TSPAN5: variants seen among roughly 807,000 people sequenced by gnomAD.
The protein encoded by TSPAN5 is tetraspanin-5.
A neutral mutation model predicts 37.1 loss-of-function variants in TSPAN5; 10 were observed. The observed-to-expected ratio is 0.27, with a 90% confidence interval of 0.17 to 0.46. The LOEUF (loss-of-function observed/expected upper bound fraction) is 0.46. Among genes scored for constraint, TSPAN5 ranks in the 20% least tolerant of loss-of-function variants. The pLI, the probability that TSPAN5 is intolerant of heterozygous loss-of-function variation, is 1.00. For synonymous variants in TSPAN5, 110 were observed against 118.9 expected, an observed-to-expected ratio of 0.93 and a Z score of 0.48; for missense variants, 195 against 326.6, an observed-to-expected ratio of 0.60 and a Z score of 3.11.
At chr4:98,658,125 C>T (rs770767382) in intron 1 of TSPAN5, 21 bp downstream of exon 1, 1 of 1,600,054 alleles carries the variant, frequency 6.2e-7, no homozygotes, top group South Asian at 1.1e-5. Context: ...TAGTTGGAAT[C>T]CCAGGAGCGC....
At chr4:98,528,885 G>A (rs1754019891) in intron 1 of TSPAN5, among the ~76,000 whole-genome samples, 1 of 152,160 alleles carries the variant, frequency 6.6e-6, no homozygotes, top group South Asian at 2.1e-4. Context: ...ATTTTAGTAT[G>A]ACCATACTGC....
chr4:98,635,355 C>T (rs557072549), intron 1 of TSPAN5, among the ~76,000 whole-genome samples: 3 of 152,246 alleles, frequency 2.0e-5, no homozygotes, highest in Non-Finnish European at 4.4e-5. Flanking sequence ...TGGTGACAAG[C>T]CTGGGCCTGA....
In TSPAN5 at chr4:98,472,475, C is replaced by T. The variant is rs773159948; in HGVS notation, c.*47G>A. Reference sequence around the variant, plus strand: ...ATCAGTTCGGCACGCGGGAGGGTCCCGAAAGCTGGGTCTGTCCAGTGTCTT... The same window carrying T: ...ATCAGTTCGGCACGCGGGAGGGTCCTGAAAGCTGGGTCTGTCCAGTGTCTT... On this transcript the variant is annotated 3_prime_UTR_variant, in exon 8 of 8. Coordinates refer to ENST00000305798, the MANE Select transcript of TSPAN5 (RefSeq NM_005723.4). The T allele has an allele frequency of 9.4e-6, 15 of 1,591,816 alleles. No homozygotes were observed. The highest frequency in any genetic ancestry group is 3.4e-5 in the Admixed American group (2 of 59,334).
At chr4:98,598,835 G>A (rs1755818453) in intron 1 of TSPAN5, among the ~76,000 whole-genome samples, 1 of 152,142 alleles carries the variant, frequency 6.6e-6, no homozygotes, top group Admixed American at 6.5e-5. Context: ...TACGTTCAAA[G>A]GCAGGAATAA....
chr4:98,654,471 C>T (rs1757256963), intron 1 of TSPAN5, among the ~76,000 whole-genome samples: 3 of 152,114 alleles, frequency 2.0e-5, no homozygotes, highest in Admixed American at 2.0e-4. Flanking sequence ...CTTTCTTCTC[C>T]CTCCCCCAAA....
chr4:98,487,613 A>C lies in TSPAN5; in HGVS notation c.133-729T>G, dbSNP rs1753000964. Among the ~76,000 whole-genome samples, 6 of 152,026 alleles carry C rather than the reference A, an allele frequency of 3.9e-5. 1 individual carries two copies. The South Asian group carries it at 1.2e-3, about 32-fold the overall frequency. On this transcript the variant is annotated intron_variant, in intron 2 of 7. Coordinates refer to ENST00000305798, the MANE Select transcript of TSPAN5 (RefSeq NM_005723.4). ...ACCTCAGGATCTACTCTTGAGCTCCATGGGAGACCTTTATTAGGCTGAGAT... is the reference window on the plus strand; with the variant it reads ...ACCTCAGGATCTACTCTTGAGCTCCCTGGGAGACCTTTATTAGGCTGAGAT...
At chr4:98,521,477 A>T (rs1171585412) in intron 1 of TSPAN5, among the ~76,000 whole-genome samples, 1 of 152,124 alleles carries the variant, frequency 6.6e-6, no homozygotes, top group Non-Finnish European at 1.5e-5. Flanking sequence ...AAAAATATTG[A>T]TCCTCTGGTT....
intron 1 of TSPAN5, among the ~76,000 whole-genome samples, chr4:98,550,773 T>A (rs2110154473): frequency 6.6e-6 from 1 of 152,276 alleles, no homozygotes; most frequent in African/African-American, 2.4e-5. Flanking sequence ...CTAAGAGTTT[T>A]TTGGTGGAGT....
At chr4:98,516,638 C>T (rs1753736961) in intron 1 of TSPAN5, among the ~76,000 whole-genome samples, 1 of 152,262 alleles carries the variant, frequency 6.6e-6, no homozygotes, top group East Asian at 1.9e-4. Flanking sequence ...AATTTGATCC[C>T]CAATGTGGTG....
intron 1 of TSPAN5, among the ~76,000 whole-genome samples, chr4:98,581,467 C>T (rs1024571298): frequency 3.3e-5 from 5 of 152,126 alleles, no homozygotes; most frequent in Non-Finnish European, 5.9e-5. Context: ...TCTAAACGCC[C>T]CTGTCTTCTA....
chr4:98,502,762 A>G (rs930222945), intron 2 of TSPAN5, among the ~76,000 whole-genome samples: 1 of 152,142 alleles, frequency 6.6e-6, no homozygotes, highest in Non-Finnish European at 1.5e-5. Context: ...GGCACACATA[A>G]GTGAATGAGT....
intron 2 of TSPAN5, among the ~76,000 whole-genome samples, chr4:98,495,194 A>G (rs528789888): frequency 4.0e-4 from 61 of 152,264 alleles, no homozygotes; most frequent in African/African-American, 1.4e-3. Flanking sequence ...CTGGCTGTTC[A>G]GTGGTTTGAT....
intron 1 of TSPAN5, among the ~76,000 whole-genome samples, chr4:98,610,328 G>C (rs1756151518): frequency 6.6e-6 from 1 of 152,112 alleles, no homozygotes; most frequent in Non-Finnish European, 1.5e-5. Flanking sequence ...CCTCCCATTA[G>C]GCTCCACCTC....
At chr4:98,645,871 C>A (rs1757056974) in intron 1 of TSPAN5, among the ~76,000 whole-genome samples, 1 of 152,166 alleles carries the variant, frequency 6.6e-6, no homozygotes, top group Admixed American at 6.5e-5. Flanking sequence ...ATATATCATT[C>A]TTTTTTACTA....
intron 1 of TSPAN5, among the ~76,000 whole-genome samples, chr4:98,508,209 A>C (rs1337997944): frequency 6.6e-6 from 1 of 152,176 alleles, no homozygotes; most frequent in Non-Finnish European, 1.5e-5. Context: ...ATGCCTTCCA[A>C]AGGTAACAAG....
intron 1 of TSPAN5, among the ~76,000 whole-genome samples, chr4:98,579,576 A>G (rs1296117970): frequency 6.6e-6 from 1 of 152,198 alleles, no homozygotes; most frequent in African/African-American, 2.4e-5. Context: ...TTGAAATAAC[A>G]TTGTTATTAT....
chr4:98,577,104 G>A (rs1048849808), intron 1 of TSPAN5, among the ~76,000 whole-genome samples: 1 of 152,070 alleles, frequency 6.6e-6, no homozygotes, highest in East Asian at 1.9e-4. Context: ...GGTATTCATG[G>A]AAATAGAAAA....
In TSPAN5 at chr4:98,513,867, T is replaced by TAGAC. The variant is rs1265049472; in HGVS notation, c.82-6140_82-6139insGTCT. ...CTTTTATTCATAAAAAGCAAATAGATAGATAGATAGATAGATAGATAGATA... is the reference window on the plus strand; with the variant it reads ...CTTTTATTCATAAAAAGCAAATAGATAGACAGATAGATAGATAGATAGATAGATA... On this transcript the variant is annotated intron_variant, in intron 1 of 7. Coordinates refer to ENST00000305798, the MANE Select transcript of TSPAN5 (RefSeq NM_005723.4). 1.5e-3 allele frequency among the ~76,000 whole-genome samples: 140 copies of TAGAC among 91,368 alleles called. 1 individual carries two copies. Among genetic ancestry groups the TAGAC allele is most frequent in the Non-Finnish European group, 1.5e-3 (64 of 44,014 alleles). The allele number at this position is 91,368 out of a possible 152,430, so 59.9% of individuals were successfully genotyped here.
chr4:98,478,788 C>G lies in TSPAN5; in HGVS notation c.473G>C (p.Gly158Ala). The G allele has an allele frequency of 6.2e-7, 1 of 1,613,936 alleles. No homozygotes were observed. Among genetic ancestry groups the G allele is most frequent in the Non-Finnish European group, 8.5e-7 (1 of 1,180,018 alleles). Reference sequence around the variant, plus strand: ...AATATTTAGGTTCCAATCATCAGCTCCAAAAGCCCCACAGCACTGCCACTA... The same window carrying G: ...AATATTTAGGTTCCAATCATCAGCTGCAAAAGCCCCACAGCACTGCCACTA... ...QEYWQCCGAF[G>A]ADDWNLNIYF... is the part of the protein sequence containing the mutation. Residue 158 changes from glycine to alanine, a missense_variant, in exon 5 of 8, where the codon GGA (glycine) becomes GCA (alanine). Physicochemically the swap from Gly to Ala is moderately conservative, Grantham distance 60 (BLOSUM62 0). Coordinates refer to ENST00000305798, the MANE Select transcript of TSPAN5 (RefSeq NM_005723.4).
Sources: gnomAD v4.1 joint callset for allele counts (sites outside exome capture counted in the v4.1 genomes callset) on GRCh38, gnomAD v4.1.1 for gene constraint, MANE v1.5 for transcripts, NCBI Gene and HGNC (gene_info 2026-07-23, HGNC 2026-07-21) for gene names.